The following CHST11 variants were observed in gnomAD, a reference collection of about 807,000 sequenced individuals.
The protein encoded by CHST11 is C4S-1.
A neutral mutation model predicts 30.4 loss-of-function variants in CHST11; 9 were observed. The observed-to-expected ratio is 0.30, with a 90% CI of 0.18 to 0.52. CHST11 has a LOEUF of 0.52. CHST11 is among the 20% of genes least tolerant of loss of function. The pLI is 0.97. For missense variants in CHST11, 348 were observed against 460.6 expected (o/e 0.76, Z 2.24); for synonymous variants, 152 against 187.8 (o/e 0.81, Z 1.56).
At chr12:104,719,184 G>A (rs926041627) in intron 2 of CHST11, among the ~76,000 whole-genome samples, 8 of 152,146 alleles carry the variant, frequency 5.3e-5, no homozygotes, top group South Asian at 4.1e-4. Context: ...ACTCCGCAAC[G>A]TACTGTCTTC....
In CHST11 at chr12:104,676,735, C is replaced by T. The variant is rs703678; in HGVS notation, c.204+74744C>T. 0.19 allele frequency among the ~76,000 whole-genome samples: 29,484 copies of T among 152,210 alleles called. 4,026 individuals carry two copies. Among genetic ancestry groups the T allele is most frequent in the African/African-American group, 0.39 (16,219 of 41,502 alleles). On this transcript the variant is annotated intron_variant, in intron 2 of 2. Coordinates refer to ENST00000303694, the MANE Select transcript of CHST11 (RefSeq NM_018413.6). The surrounding 1 kb of genome is among the most constrained non-coding windows in gnomAD (Gnocchi z 4.4). ...CTCCTTTCCTAAGGAAGCTGCAGCT[C>T]ACTTGGGAAATCCAGGATAACCTTC...
At position 104,605,794 on chromosome 12, in the gene CHST11, G is replaced by A. The variant is rs141874141; in HGVS notation, c.204+3803G>A. 2.0e-5 allele frequency among the ~76,000 whole-genome samples: 3 copies of A among 152,300 alleles called. No individual in the cohort carries two copies. The East Asian group carries it at 5.8e-4, about 29-fold the overall frequency. On this transcript the variant is annotated intron_variant, in intron 2 of 2. Transcript: ENST00000303694. ...CACATCTGCGGGCCGCTCTGGCTCA[G>A]TTCAGAGGCACAGGGCAGAGCTGCA... is the stretch of plus-strand genomic sequence containing the variant.
At position 104,648,363 on chromosome 12, in the gene CHST11, T is replaced by A. The variant is rs2039456415; in HGVS notation, c.204+46372T>A. Reference sequence around the variant, plus strand: ...TAGGAGCAGAGTCATTTTGGGGCCATACCCAAAGCTGCCTCCCATTTGGAC... The same window carrying A: ...TAGGAGCAGAGTCATTTTGGGGCCAAACCCAAAGCTGCCTCCCATTTGGAC... On this transcript the variant is annotated intron_variant, in intron 2 of 2. Transcript: ENST00000303694. Among the ~76,000 whole-genome samples the A allele has an allele frequency of 3.3e-5, 5 of 152,330 alleles. No homozygotes were observed. In the South Asian group the frequency reaches 1.0e-3, roughly 32 times the overall value.
At chr12:104,513,375 TC>T (rs141568167) in intron 1 of CHST11, among the ~76,000 whole-genome samples, 3 of 152,092 alleles carry the variant, frequency 2.0e-5, no homozygotes, top group Non-Finnish European at 4.4e-5. Flanking sequence ...GAGGTAAATC[TC>T]CCCCACCCCC....
intron 2 of CHST11, among the ~76,000 whole-genome samples, chr12:104,670,485 A>ACT (rs1370155871): frequency 1.4e-5 from 2 of 139,974 alleles, no homozygotes; most frequent in African/African-American, 5.9e-5. Flanking sequence ...ACACACACAC[A>ACT]CTCACACTCA....
At position 104,760,459 on chromosome 12, in the gene CHST11, G is replaced by C. The variant is rs1325330508; in HGVS notation, c.*2656G>C. ...TGAGTGGGGTATAGGGCCCAGGGTGGCTCCCTACTCCTCAGGCTCAAAAGG... is the reference window on the plus strand; with the variant it reads ...TGAGTGGGGTATAGGGCCCAGGGTGCCTCCCTACTCCTCAGGCTCAAAAGG... On this transcript the variant is annotated 3_prime_UTR_variant, in exon 3 of 3. Transcript: ENST00000303694. 1.3e-5 allele frequency: 2 copies of C among 152,256 alleles called. No individual in the cohort carries two copies. Among genetic ancestry groups the C allele is most frequent in the Non-Finnish European group, 2.9e-5 (2 of 68,094 alleles). 9.4% of individuals were successfully genotyped at this position (152,256 alleles called of 1,614,324 possible). A position where few individuals can be genotyped will look rare whatever the true frequency, so the allele number is the denominator to read the frequency against.
intron 2 of CHST11, among the ~76,000 whole-genome samples, chr12:104,613,418 G>A (rs918467279): frequency 1.3e-4 from 19 of 151,358 alleles, no homozygotes; most frequent in Admixed American, 5.9e-4. Context: ...TGTCACCCCC[G>A]TCCCCAAATC....
chr12:104,531,818 A>G (rs1412977693), intron 1 of CHST11, among the ~76,000 whole-genome samples: 1 of 152,112 alleles, frequency 6.6e-6, no homozygotes, highest in Non-Finnish European at 1.5e-5. Flanking sequence ...CCTTCTTCCC[A>G]TTACTGTCAA....
intron 1 of CHST11, among the ~76,000 whole-genome samples, chr12:104,550,080 T>C (rs2038391047): frequency 6.6e-6 from 1 of 152,210 alleles, no homozygotes; most frequent in South Asian, 2.1e-4. Flanking sequence ...CTCTTTGGGC[T>C]GTTGGTAAAA....
At chr12:104,705,956 C>T (rs562807865) in intron 2 of CHST11, among the ~76,000 whole-genome samples, 27 of 151,794 alleles carry the variant, frequency 1.8e-4, no homozygotes, top group Non-Finnish European at 3.7e-4. Context: ...CATGGTGGAA[C>T]ATGCATGTAG....
intron 2 of CHST11, among the ~76,000 whole-genome samples, chr12:104,702,150 G>C (rs556546426): frequency 6.6e-6 from 1 of 152,030 alleles, no homozygotes; most frequent in Non-Finnish European, 1.5e-5. Flanking sequence ...GGTAACTCAT[G>C]ATAGTGTTTA....
intron 1 of CHST11, among the ~76,000 whole-genome samples, chr12:104,570,541 T>C (rs1305583620): frequency 1.3e-5 from 2 of 152,310 alleles, no homozygotes; most frequent in South Asian, 2.1e-4. Context: ...CTTTCCTTCC[T>C]GCAAGAAAAT....
intron 2 of CHST11, among the ~76,000 whole-genome samples, chr12:104,621,537 T>G (rs772018866): frequency 2.1e-4 from 32 of 152,240 alleles, no homozygotes; most frequent in Non-Finnish European, 2.8e-4. Flanking sequence ...ATTATCCGGA[T>G]GGGTCCAGTA....
rs138395211 is a variant in CHST11, at chr12:104,615,771, T to C, written c.204+13780T>C. On this transcript the variant is annotated intron_variant, in intron 2 of 2. Coordinates refer to ENST00000303694, the MANE Select transcript of CHST11 (RefSeq NM_018413.6). The stretch of plus-strand genomic sequence containing the variant: ...GTGGAAACCCCGTCTCTGCCAAAAA[T>C]ACAAAAATTAGCCAGGCGTGGTGGC... Among the ~76,000 whole-genome samples, 1,092 of 152,020 alleles carry C rather than the reference T, an allele frequency of 7.2e-3. 51 individuals are homozygous for C. In the East Asian group the frequency reaches 0.12, roughly 16 times the overall value.
intron 1 of CHST11, among the ~76,000 whole-genome samples, chr12:104,477,271 G>A (rs2037573289): frequency 6.6e-6 from 1 of 152,104 alleles, no homozygotes; most frequent in African/African-American, 2.4e-5. Flanking sequence ...CTCATTTTTA[G>A]GTGGGACTCA....
At chr12:104,753,933 A>G (rs1166204885) in intron 2 of CHST11, among the ~76,000 whole-genome samples, 2 of 152,104 alleles carry the variant, frequency 1.3e-5, no homozygotes, top group Non-Finnish European at 1.5e-5. Flanking sequence ...CAAGGAAACA[A>G]AGGCCAAGAA....
chr12:104,534,568 A>G (rs2038217942), intron 1 of CHST11, among the ~76,000 whole-genome samples: 1 of 152,192 alleles, frequency 6.6e-6, no homozygotes, highest in Non-Finnish European at 1.5e-5. Context: ...GAAGGTTGCC[A>G]GGTGGATGGA....
At chr12:104,694,388 A>G (rs930323389) in intron 2 of CHST11, among the ~76,000 whole-genome samples, 3 of 152,224 alleles carry the variant, frequency 2.0e-5, no homozygotes, top group Non-Finnish European at 2.9e-5. Context: ...CTCAGCATTC[A>G]TCAAACACTT....
intron 2 of CHST11, among the ~76,000 whole-genome samples, chr12:104,705,834 T>C (rs568404131): frequency 5.5e-4 from 84 of 152,082 alleles, no homozygotes; most frequent in African/African-American, 1.9e-3. Flanking sequence ...GGCAGAGAAT[T>C]GCCTGAGCCT....
Sources: gnomAD v4.1 joint callset for allele counts (sites outside exome capture counted in the v4.1 genomes callset) on GRCh38, gnomAD v4.1.1 for gene constraint, Gnocchi (gnomAD v3.1) non-coding constraint, MANE v1.5 for transcripts, NCBI Gene and HGNC (gene_info 2026-07-23, HGNC 2026-07-21) for gene names.